Variants in IQSEC1 observed in about 807,000 individuals in gnomAD.
The protein encoded by IQSEC1 is IQ motif and Sec7 domain ArfGEF 1, also known as IQ motif and SEC7 domain-containing protein 1.
In IQSEC1, 31 loss-of-function variants were observed where a neutral mutation model predicts 91.0. That is an observed-to-expected ratio of 0.34 (90% confidence interval 0.26 to 0.46). The LOEUF is 0.46. Ranked by LOEUF, IQSEC1 falls within the 20% of genes least tolerant of loss-of-function variation. The pLI is 1.00. For missense variants in IQSEC1, 1,388 were observed against 1,575.6 expected, an observed-to-expected ratio of 0.88 and a Z score of 2.02; for synonymous variants, 699 against 662.6, an observed-to-expected ratio of 1.05 and a Z score of -0.84.
intron 1 of IQSEC1, among the ~76,000 whole-genome samples, chr3:13,041,807 C>T (rs1057364735): frequency 3.9e-5 from 6 of 152,194 alleles, no homozygotes; most frequent in South Asian, 2.1e-4. Flanking sequence ...CCCAAGATCG[C>T]GCAGCCAGGA....
intron 1 of IQSEC1, among the ~76,000 whole-genome samples, chr3:13,244,684 G>A (rs1391729582): frequency 6.6e-6 from 1 of 152,138 alleles, no homozygotes; most frequent in Non-Finnish European, 1.5e-5. Flanking sequence ...TGGGGCATGC[G>A]ATAAATCAGT....
intron 1 of IQSEC1, among the ~76,000 whole-genome samples, chr3:13,241,733 G>T (rs117857976): frequency 1.3e-5 from 2 of 152,248 alleles, no homozygotes; most frequent in African/African-American, 4.8e-5. Flanking sequence ...GGGCTGGCAG[G>T]TCCTTGCCAG....
intron 1 of IQSEC1, among the ~76,000 whole-genome samples, chr3:13,038,262 G>GTATATATA (rs58338571): frequency 0.026 from 2,602 of 100,748 alleles, 60 homozygotes; most frequent in East Asian, 0.042. Context: ...GTGTGTGTGT[G>GTATATATA]TATATATATA....
chr3:12,902,737 A>G (rs1396283317), intron 13 of IQSEC1, 36 bp downstream of exon 13: 3 of 1,488,812 alleles, frequency 2.0e-6, no homozygotes, highest in Non-Finnish European at 1.9e-6. Flanking sequence ...AAGGCGACAC[A>G]GGACAGCCAG....
intron 1 of IQSEC1, among the ~76,000 whole-genome samples, chr3:13,058,124 A>G (rs540832310): frequency 5.3e-4 from 80 of 152,200 alleles, no homozygotes; most frequent in African/African-American, 1.8e-3. Flanking sequence ...AATACAAAAA[A>G]CAGCCGGGCG....
chr3:13,122,295 G>A (rs1339941154), intron 2 of IQSEC1, among the ~76,000 whole-genome samples: 1 of 152,282 alleles, frequency 6.6e-6, no homozygotes, highest in African/African-American at 2.4e-5. Context: ...CCCGGGACAG[G>A]GAGCGAGTCC....
chr3:13,124,889 C>T (rs929135281), intron 2 of IQSEC1, among the ~76,000 whole-genome samples: 2 of 152,136 alleles, frequency 1.3e-5, no homozygotes, highest in African/African-American at 4.8e-5. Context: ...AGGGTAGGTC[C>T]CCGATCCATA....
chr3:13,266,250 C>T (rs1055964161), intron 1 of IQSEC1, among the ~76,000 whole-genome samples: 4 of 152,266 alleles, frequency 2.6e-5, no homozygotes, highest in African/African-American at 7.2e-5. Flanking sequence ...GCACTTGGCA[C>T]ATTGTGGCAG....
chr3:13,159,948 A>G lies in IQSEC1; in HGVS notation c.302+4156T>C, dbSNP rs575626733. Among the ~76,000 whole-genome samples the G allele has an allele frequency of 9.9e-5, 15 of 152,280 alleles. No individual in the cohort carries two copies. The East Asian group carries it at 2.7e-3, about 27-fold the overall frequency. On this transcript the variant is annotated intron_variant, in intron 2 of 15. Coordinates refer to the IQSEC1 transcript ENST00000648114. The stretch of plus-strand genomic sequence containing the variant: ...ATGGTCCCTCTTCCATAAATAAATC[A>G]TTAGAAGATTCACATTTGAGGGCCT...
At chr3:12,968,300 G>A (rs954299790) in intron 1 of IQSEC1, among the ~76,000 whole-genome samples, 1 of 152,116 alleles carries the variant, frequency 6.6e-6, no homozygotes, top group Non-Finnish European at 1.5e-5. Context: ...CCCTTTTGGC[G>A]GCTTTTTGGG....
intron 2 of IQSEC1, among the ~76,000 whole-genome samples, chr3:13,138,388 C>A (rs925351763): frequency 6.6e-6 from 1 of 152,008 alleles, no homozygotes; most frequent in Non-Finnish European, 1.5e-5. Context: ...GGCCTTGGAA[C>A]CCCACCTGGG....
rs566129026 is a variant in IQSEC1 at position 13,178,617 on chromosome 3, A to T, written c.273-14484T>A. On this transcript the variant is annotated intron_variant, in intron 1 of 15. Transcript: ENST00000648114. Reference sequence around the variant, plus strand: ...GTAAGCCCCCTGGGGCTCTGTTCTCATCAGAGATCTCAGGTGGCAGGCAAC... The same window carrying T: ...GTAAGCCCCCTGGGGCTCTGTTCTCTTCAGAGATCTCAGGTGGCAGGCAAC... Among the ~76,000 whole-genome samples the T allele has an allele frequency of 8.5e-5, 13 of 152,362 alleles. No homozygotes were observed. The East Asian group carries it at 2.3e-3, about 27-fold the overall frequency.
At chr3:13,120,079 A>T (rs1239701606) in intron 2 of IQSEC1, among the ~76,000 whole-genome samples, 1 of 152,214 alleles carries the variant, frequency 6.6e-6, no homozygotes, top group Non-Finnish European at 1.5e-5. Context: ...CTCACCTGGC[A>T]CAGGGACACC....
At chr3:13,046,881 C>T (rs557476498) in intron 1 of IQSEC1, among the ~76,000 whole-genome samples, 5 of 152,354 alleles carry the variant, frequency 3.3e-5, no homozygotes, top group African/African-American at 1.2e-4. Context: ...ACTTGTCTTT[C>T]TTGCCCACGA....
At chr3:13,107,044 C>T (rs1706162946) in intron 2 of IQSEC1, among the ~76,000 whole-genome samples, 1 of 152,190 alleles carries the variant, frequency 6.6e-6, no homozygotes, top group Non-Finnish European at 1.5e-5. Flanking sequence ...TAACAGTGAA[C>T]TTGTGAGACA....
chr3:13,270,086 C>G (rs1048646933), intron 1 of IQSEC1, among the ~76,000 whole-genome samples: 1 of 152,128 alleles, frequency 6.6e-6, no homozygotes, highest in Non-Finnish European at 1.5e-5. Context: ...CACAAGGTGC[C>G]GGATGTGTGA....
chr3:12,978,682 G>C (rs1411310482), intron 1 of IQSEC1, among the ~76,000 whole-genome samples: 3 of 150,098 alleles, frequency 2.0e-5, no homozygotes, highest in Admixed American at 2.0e-4. Context: ...TCCAACCTGG[G>C]CAATAGAGCG....
intron 2 of IQSEC1, among the ~76,000 whole-genome samples, chr3:13,107,970 C>T (rs1327764247): frequency 6.6e-6 from 1 of 152,234 alleles, no homozygotes; most frequent in Non-Finnish European, 1.5e-5. Flanking sequence ...GGGAGCAGCC[C>T]CGCATGCTGC....
intron 9 of IQSEC1, 62 bp from the exon 10 acceptor site, chr3:12,911,790 C>T: frequency 8.6e-7 from 1 of 1,160,748 alleles, no homozygotes; most frequent in East Asian, 2.3e-5. Flanking sequence ...CTATGTGGGA[C>T]CTCTGGTCAG....
Sources: allele counts gnomAD v4.1 joint callset (sites outside exome capture counted in the v4.1 genomes callset), GRCh38; gene constraint gnomAD v4.1.1; transcripts MANE v1.5; gene names NCBI Gene and HGNC (gene_info 2026-07-23, HGNC 2026-07-21).